Variants in ARFGEF1 observed in about 807,000 individuals in gnomAD.
The protein encoded by ARFGEF1 is ARF guanine nucleotide exchange factor 1.
ARFGEF1 carries 42 observed loss-of-function variants against 231.0 expected under a neutral mutation model. That is an observed-to-expected ratio of 0.18 (90% CI 0.14 to 0.24). The LOEUF (loss-of-function observed/expected upper bound fraction) is 0.24. Ranked by LOEUF, ARFGEF1 falls within the 10% of genes least tolerant of loss-of-function variation. ARFGEF1 has a pLI of 1.00. For synonymous variants in ARFGEF1, 710 were observed against 732.3 expected (o/e 0.97, Z 0.49); for missense variants, 1,345 against 2,192.0 (o/e 0.61, Z 7.72).
intron 1 of ARFGEF1, among the ~76,000 whole-genome samples, chr8:67,330,799 T>C (rs1808064292): frequency 6.6e-6 from 1 of 152,180 alleles, no homozygotes; most frequent in Non-Finnish European, 1.5e-5. Context: ...CATTAAACAT[T>C]GTTGCTTTCT....
intron 5 of ARFGEF1, among the ~76,000 whole-genome samples, chr8:67,184,763 A>G (rs538266838): frequency 6.8e-6 from 1 of 147,746 alleles, no homozygotes; most frequent in South Asian, 2.1e-4. Context: ...AATAATAATA[A>G]TAATAAAGGT....
intron 34 of ARFGEF1, among the ~76,000 whole-genome samples, chr8:67,206,410 T>TAAAA (rs747164390): frequency 9.8e-6 from 1 of 102,038 alleles, no homozygotes; most frequent in African/African-American, 3.9e-5. Flanking sequence ...ATTTTATCTT[T>TAAAA]AAAAAAAAAA....
At chr8:67,264,355 A>G (rs537370828) in intron 14 of ARFGEF1, among the ~76,000 whole-genome samples, 5 of 152,170 alleles carry the variant, frequency 3.3e-5, no homozygotes, top group Admixed American at 2.6e-4. Flanking sequence ...GTGACAGATT[A>G]GATTCGAGAA....
chr8:67,187,010 TATCTA>T (rs995930148), intron 5 of ARFGEF1, among the ~76,000 whole-genome samples: 20 of 150,850 alleles, frequency 1.3e-4, no homozygotes, highest in African/African-American at 4.2e-4. Flanking sequence ...TCTATCTATC[TATCTA>T]ATCTATCTAT....
At chr8:67,214,613 G>A (rs372126767) in intron 33 of ARFGEF1, among the ~76,000 whole-genome samples, 1 of 152,168 alleles carries the variant, frequency 6.6e-6, no homozygotes, top group African/African-American at 2.4e-5. Flanking sequence ...AAGAGATTAG[G>A]TATATATCTA....
chr8:67,263,386 A>T (rs576684036), intron 14 of ARFGEF1, among the ~76,000 whole-genome samples: 4 of 152,188 alleles, frequency 2.6e-5, no homozygotes, highest in Admixed American at 6.5e-5. Flanking sequence ...TCCTATTACA[A>T]AACAGAAATC....
At chr8:67,217,739 C>A in intron 32 of ARFGEF1, 43 bp downstream of exon 32, 1 of 1,589,722 alleles carries the variant, frequency 6.3e-7, no homozygotes. Context: ...CCAACTCATT[C>A]AATATACAAA....
chr8:67,201,504 C>T lies in ARFGEF1; in HGVS notation c.5230G>A (p.Val1744Ile), dbSNP rs372291665. Reference protein sequence around the residue: ...LFRMYMDESRVSAWEEVQQRL... With the variant: ...LFRMYMDESRISAWEEVQQRL... ...TGCTGGACCTCCTCCCAGGCACTAA[C>T]GCGGCTCTCATCCATGTACATCCGG... Residue 1744 changes from valine (V) to isoleucine (I), a missense_variant, in exon 37 of 39, where the codon GTT (valine) becomes ATT (isoleucine). Val to Ile is a conservative substitution (Grantham distance 29). Coordinates refer to ENST00000262215, the MANE Select transcript of ARFGEF1 (RefSeq NM_006421.5). 316 of 1,612,110 alleles carry T rather than the reference C, an allele frequency of 2.0e-4. 2 individuals are homozygous for T. In the South Asian group the frequency reaches 2.5e-3, roughly 13 times the overall value.
At chr8:67,337,122 C>T (rs1305348793) in intron 1 of ARFGEF1, among the ~76,000 whole-genome samples, 1 of 115,532 alleles carries the variant, frequency 8.7e-6, no homozygotes, top group African/African-American at 3.6e-5. Flanking sequence ...GAGCGTGACG[C>T]CGTCTCAAAA....
chr8:67,201,575 A>C lies in ARFGEF1; in HGVS notation c.5159T>G (p.Leu1720Arg). 6.2e-7 allele frequency: 1 copy of C among 1,613,600 alleles called. No individual in the cohort carries two copies. Among genetic ancestry groups the C allele is most frequent in the Non-Finnish European group, 8.5e-7 (1 of 1,179,890 alleles). Residue 1720 changes from leucine (L) to arginine (R), a missense_variant, in exon 37 of 39, where the codon CTG (leucine) becomes CGG (arginine). By Grantham distance (102) the Leu-to-Arg change is moderately radical. Around this residue, in one of 14 missense-constraint regions of ARFGEF1, gnomAD observed 161 missense variants for 284.9 expected, o/e 0.57. Coordinates refer to ENST00000262215, the MANE Select transcript of ARFGEF1 (RefSeq NM_006421.5). ...GFKGKSKPNL[L>R]KQETSSLACG... ...GGCCAGGCTGCTGGTCTCCTGCTTCAGAAGGTTGGGCTTGGATTTGCCTTT... is the reference window on the plus strand; with the variant it reads ...GGCCAGGCTGCTGGTCTCCTGCTTCCGAAGGTTGGGCTTGGATTTGCCTTT...
intron 23 of ARFGEF1, among the ~76,000 whole-genome samples, chr8:67,232,444 A>G (rs1839584742): frequency 6.6e-6 from 1 of 152,118 alleles, no homozygotes; most frequent in Admixed American, 6.6e-5. Flanking sequence ...AAAAAAGTTT[A>G]TAATGGGAAT....
intron 4 of ARFGEF1, among the ~76,000 whole-genome samples, chr8:67,298,628 A>G (rs537464679): frequency 1.3e-5 from 2 of 152,300 alleles, no homozygotes; most frequent in South Asian, 2.1e-4. Context: ...AAACAGAAAA[A>G]CTTTGGAAGA....
chr8:67,239,031 G>A (rs931794687), intron 20 of ARFGEF1, 138 bp from the exon 21 acceptor site: 2 of 686,486 alleles, frequency 2.9e-6, no homozygotes, highest in Admixed American at 6.9e-5. Context: ...TTTTGAGACA[G>A]AGTCTCACCC....
chr8:67,195,371 G>GCCT (rs772491058), downstream of ARFGEF1: 3 of 1,605,932 alleles, frequency 1.9e-6, no homozygotes, highest in South Asian at 3.3e-5. Context: ...CGTGTCCCTT[G>GCCT]CCTCCTGTAG....
downstream of ARFGEF1, among the ~76,000 whole-genome samples, chr8:67,193,055 A>G (rs1255304262): frequency 1.3e-5 from 2 of 152,204 alleles, no homozygotes; most frequent in East Asian, 3.9e-4. Context: ...CGTGCTCTAT[A>G]TTTTCATGTT....
At chr8:67,184,889 G>A (rs1834056538) in intron 5 of ARFGEF1, among the ~76,000 whole-genome samples, 1 of 146,842 alleles carries the variant, frequency 6.8e-6, no homozygotes, top group Non-Finnish European at 1.5e-5. Flanking sequence ...CACAAGGTCA[G>A]GAGATTGAGA....
chr8:67,184,160 G>T (rs550464831), intron 5 of ARFGEF1, among the ~76,000 whole-genome samples: 1 of 152,080 alleles, frequency 6.6e-6, no homozygotes, highest in South Asian at 2.1e-4. Context: ...GCCAAAAATT[G>T]GTAAATTTTT....
At chr8:67,238,586 T>A (rs1839838640) in intron 21 of ARFGEF1, 93 bp from the exon 22 acceptor site, 1 of 1,412,694 alleles carries the variant, frequency 7.1e-7, no homozygotes, top group Non-Finnish European at 9.6e-7. Flanking sequence ...AAACACAGAC[T>A]ACACTATAGA....
At chr8:67,259,782 C>A (rs1351932085) in intron 15 of ARFGEF1, 33 bp downstream of exon 15, 1 of 1,462,926 alleles carries the variant, frequency 6.8e-7, no homozygotes, top group Non-Finnish European at 9.4e-7. Context: ...AAGAATTTTA[C>A]AGAAAAGGTT....
Sources: gnomAD v4.1 joint callset for allele counts (sites outside exome capture counted in the v4.1 genomes callset) on GRCh38, gnomAD v4.1.1 for gene constraint, gnomAD v4.1.1 regional missense constraint, MANE v1.5 for transcripts, NCBI Gene and HGNC (gene_info 2026-07-23, HGNC 2026-07-21) for gene names.